PC: variants seen among roughly 807,000 people sequenced by gnomAD.
PC encodes the protein pyruvate carboxylase, mitochondrial.
In PC, 46 loss-of-function variants were observed where a neutral mutation model predicts 107.8. The ratio of observed to expected loss-of-function variants is 0.43; its 90% CI spans 0.34 to 0.55. PC has a LOEUF of 0.55. Among genes scored for constraint, PC ranks in the 20% least tolerant of loss-of-function variants. The pLI, the probability that PC is intolerant of heterozygous loss-of-function variation, is 0.04. For synonymous variants in PC, 662 were observed against 684.7 expected, an observed-to-expected ratio of 0.97 and a Z score of 0.52; for missense variants, 1,241 against 1,643.1, an observed-to-expected ratio of 0.76 and a Z score of 4.23.
Position 66,929,906 on chromosome 11 carries a change from T to C in PC, c.-1+22524A>G, listed in dbSNP as rs1948806045. 3.3e-5 allele frequency among the ~76,000 whole-genome samples: 5 copies of C among 150,798 alleles called. No homozygotes were observed. In the South Asian group the frequency reaches 1.1e-3, roughly 32 times the overall value. ...ACCCTAAGGAGGAGAAACAGGGAGG[T>C]AAGTTAACACTGAAGCTTTTATCTA... is the stretch of plus-strand genomic sequence containing the variant. On this transcript the variant is annotated intron_variant, in intron 3 of 22. Coordinates refer to ENST00000393960, the MANE Select transcript of PC (RefSeq NM_001040716.2).
At chr11:66,942,144 A>C (rs1306112139) in intron 3 of PC, among the ~76,000 whole-genome samples, 1 of 150,992 alleles carries the variant, frequency 6.6e-6, no homozygotes, top group African/African-American at 2.4e-5. Context: ...CATGCCTGTA[A>C]TCCCAGCACT....
chr11:66,910,518 C>T (rs1433998257), intron 3 of PC, among the ~76,000 whole-genome samples: 5 of 152,150 alleles, frequency 3.3e-5, no homozygotes, highest in Admixed American at 1.3e-4. Flanking sequence ...CTATGTAACA[C>T]AAAAGATACT....
intron 3 of PC, among the ~76,000 whole-genome samples, chr11:66,887,186 C>A (rs553979317): frequency 1.2e-4 from 19 of 152,292 alleles, no homozygotes; most frequent in Admixed American, 3.9e-4. Context: ...AGTCTCATCT[C>A]CCAGCGAGAG....
chr11:66,928,324 C>T (rs1277678698), intron 3 of PC, among the ~76,000 whole-genome samples: 2 of 148,954 alleles, frequency 1.3e-5, no homozygotes, highest in African/African-American at 2.5e-5. Flanking sequence ...GAGGCAGGAT[C>T]GCAGTGAGCT....
intron 11 of PC, among the ~76,000 whole-genome samples, chr11:66,864,727 G>A (rs146877560): frequency 7.2e-5 from 11 of 152,342 alleles, no homozygotes; most frequent in African/African-American, 2.2e-4. Flanking sequence ...GAGGGGCAGC[G>A]GAGAGGAGGA....
chr11:66,934,601 G>A (rs980045472), intron 3 of PC: 1 of 153,362 alleles, frequency 6.5e-6, no homozygotes, highest in Non-Finnish European at 1.5e-5. Flanking sequence ...TCTCAACTCT[G>A]CTATGCCACT....
intron 3 of PC, among the ~76,000 whole-genome samples, chr11:66,927,444 G>A (rs1017003837): frequency 2.6e-5 from 4 of 151,676 alleles, no homozygotes; most frequent in African/African-American, 9.7e-5. Context: ...CAGGCAAGCT[G>A]GGCGCAGTGG....
At chr11:66,896,280 T>C (rs1314405409) in intron 3 of PC, among the ~76,000 whole-genome samples, 1 of 152,222 alleles carries the variant, frequency 6.6e-6, no homozygotes, top group African/African-American at 2.4e-5. Context: ...GGTTTCACCA[T>C]GTTGGCCAAG....
At chr11:66,946,277 G>A (rs1281696373) in intron 3 of PC, among the ~76,000 whole-genome samples, 2 of 152,006 alleles carry the variant, frequency 1.3e-5, no homozygotes, top group Non-Finnish European at 2.9e-5. Context: ...CAGGTGGATC[G>A]CATGATAGCA....
chr11:66,923,828 G>A (rs1291608623), intron 3 of PC, among the ~76,000 whole-genome samples: 2 of 143,584 alleles, frequency 1.4e-5, no homozygotes, highest in African/African-American at 5.2e-5. Flanking sequence ...CCAATACAAA[G>A]GGTTTAAAAG....
chr11:66,874,821 T>C (rs1946911034), intron 3 of PC, among the ~76,000 whole-genome samples: 1 of 152,152 alleles, frequency 6.6e-6, no homozygotes, highest in African/African-American at 2.4e-5. Context: ...ACAGGTGACA[T>C]TTTGCGAATG....
Position 66,848,894 on chromosome 11 carries a change from C to T in PC, c.*5G>A. The T allele has an allele frequency of 3.1e-6, 5 of 1,613,738 alleles. No homozygotes were observed. Among genetic ancestry groups the T allele is most frequent in the Non-Finnish European group, 3.4e-6 (4 of 1,180,014 alleles). ...GGATGGCCAGGCTGCCGGTCTGGGGCAAGATCACTCGATCTCCAGGATGAG... is the reference window on the plus strand; with the variant it reads ...GGATGGCCAGGCTGCCGGTCTGGGGTAAGATCACTCGATCTCCAGGATGAG... On this transcript the variant is annotated 3_prime_UTR_variant, in exon 23 of 23. Coordinates refer to ENST00000393960, the MANE Select transcript of PC (RefSeq NM_001040716.2).
intron 11 of PC, among the ~76,000 whole-genome samples, chr11:66,864,802 G>C (rs1444012995): frequency 6.6e-6 from 1 of 152,194 alleles, no homozygotes; most frequent in Admixed American, 6.5e-5. Context: ...CGTGCCGCCC[G>C]AGTGAGCCCC....
chr11:66,848,501 G>A lies in PC; in HGVS notation c.*398C>T, dbSNP rs1188251367. On this transcript the variant is annotated 3_prime_UTR_variant, in exon 23 of 23. Coordinates refer to ENST00000393960, the MANE Select transcript of PC (RefSeq NM_001040716.2). ...CCACTGCTGAGTGGTGCAGGCTGGG[G>A]GCTGCACAGGATCCAGCATGGAGGG... 11 of 580,564 alleles carry A rather than the reference G, an allele frequency of 1.9e-5. No homozygotes were observed. Among genetic ancestry groups the A allele is most frequent in the Non-Finnish European group, 2.7e-5 (9 of 328,486 alleles). 36.0% of individuals were successfully genotyped at this position (580,564 alleles called of 1,614,324 possible).
intron 3 of PC, among the ~76,000 whole-genome samples, chr11:66,934,906 C>G (rs1565296828): frequency 6.6e-6 from 1 of 152,156 alleles, no homozygotes; most frequent in Non-Finnish European, 1.5e-5. Flanking sequence ...CGCCCAGCCC[C>G]CTGTGTATGT....
chr11:66,950,467 G>A (rs550031005), intron 3 of PC, among the ~76,000 whole-genome samples: 125 of 152,314 alleles, frequency 8.2e-4, no homozygotes, highest in African/African-American at 2.8e-3. Context: ...GGAGTACCTG[G>A]GGTAACGCCT....
At position 66,857,638 on chromosome 11, in the gene PC, G is replaced by A. The variant is rs1565223412; in HGVS notation, c.1369-4255C>T. ...GGCCTCTGACCCAGCCCCTCCCCGG[G>A]CCAGGCTCACAGAAGCTGGCTTCTG... On this transcript the variant is annotated intron_variant, in intron 12 of 22. Coordinates refer to ENST00000393960, the MANE Select transcript of PC (RefSeq NM_001040716.2). This position sits in a 1 kb window ranked among gnomAD's most constrained non-coding sequence, Gnocchi z 7.1. 7.7e-7 allele frequency: 1 copy of A among 1,294,896 alleles called. No homozygotes were observed. Among genetic ancestry groups the A allele is most frequent in the East Asian group, 2.5e-5 (1 of 39,516 alleles). 80.2% of individuals were successfully genotyped at this position (1,294,896 alleles called of 1,614,324 possible). A position where few individuals can be genotyped will look rare whatever the true frequency, so the allele number is the denominator to read the frequency against.
intron 3 of PC, among the ~76,000 whole-genome samples, chr11:66,884,338 G>C (rs1947287128): frequency 6.6e-6 from 1 of 151,966 alleles, no homozygotes; most frequent in African/African-American, 2.4e-5. Flanking sequence ...CTTGAACCTA[G>C]AAGGTTGAAG....
At chr11:66,938,906 C>G (rs758185319) in intron 3 of PC, among the ~76,000 whole-genome samples, 1 of 152,172 alleles carries the variant, frequency 6.6e-6, no homozygotes, top group African/African-American at 2.4e-5. Context: ...TATGTTTGCA[C>G]GCCTGTCCCA....
Sources: allele counts gnomAD v4.1 joint callset (sites outside exome capture counted in the v4.1 genomes callset), GRCh38; gene constraint gnomAD v4.1.1; non-coding constraint Gnocchi (gnomAD v3.1); transcripts MANE v1.5; gene names NCBI Gene and HGNC (gene_info 2026-07-23, HGNC 2026-07-21).